Variants in SLC5A9 observed in about 807,000 individuals in gnomAD.
SLC5A9 encodes the protein solute carrier family 5 member 9.
SLC5A9 carries 59 observed loss-of-function variants against 70.9 expected under a neutral mutation model. The ratio of observed to expected loss-of-function variants is 0.83; its 90% confidence interval spans 0.68 to 1.03. SLC5A9 has a LOEUF of 1.03. Among genes scored for constraint, SLC5A9 ranks in the 50% least tolerant of loss-of-function variants. The probability of loss-of-function intolerance (pLI) is 0.00; values close to 1 mark genes in which losing one functional copy is unlikely to be tolerated. For missense variants in SLC5A9, 832 were observed against 881.1 expected (o/e 0.94, Z 0.71); for synonymous variants, 340 against 346.5 (o/e 0.98, Z 0.21).
At chr1:48,224,235 CAA>C (rs1006644724) in intron 1 of SLC5A9, among the ~76,000 whole-genome samples, 122 of 152,132 alleles carry the variant, frequency 8.0e-4, no homozygotes, top group African/African-American at 2.8e-3. Context: ...AGGGAAACTC[CAA>C]AACAGTACCC....
intron 13 of SLC5A9, among the ~76,000 whole-genome samples, chr1:48,244,642 G>A (rs759367990): frequency 2.9e-4 from 42 of 146,572 alleles, no homozygotes; most frequent in Non-Finnish European, 5.1e-4. Flanking sequence ...AGACACTACC[G>A]AAGATCAACA....
intron 9 of SLC5A9, among the ~76,000 whole-genome samples, chr1:48,234,196 G>A (rs1355529408): frequency 5.3e-5 from 8 of 152,216 alleles, no homozygotes; most frequent in African/African-American, 9.7e-5. Context: ...CATGGGAAAT[G>A]TCATTCTAGG....
intron 1 of SLC5A9, among the ~76,000 whole-genome samples, chr1:48,224,046 A>G (rs764295196): frequency 3.9e-5 from 6 of 152,204 alleles, no homozygotes; most frequent in African/African-American, 1.4e-4. Flanking sequence ...AAGTCAGAGA[A>G]CTGTTGGCTT....
intron 1 of SLC5A9, 42 bp from the exon 2 acceptor site, chr1:48,224,680 CAG>C (rs775810764): frequency 1.2e-5 from 19 of 1,595,528 alleles, no homozygotes; most frequent in South Asian, 4.4e-5. Flanking sequence ...GGCAGAGGTT[CAG>C]AGAGTCTTGA....
intron 13 of SLC5A9, among the ~76,000 whole-genome samples, chr1:48,245,861 T>A (rs1644455055): frequency 1.3e-5 from 2 of 151,910 alleles, no homozygotes; most frequent in African/African-American, 2.4e-5. Context: ...CTCAGGAGGC[T>A]GAGATGGGAG....
rs1569805619 is a variant in SLC5A9 at position 48,224,736 on chromosome 1, G to A, written c.175G>A (p.Ala59Thr). The change falls in exon 2 of 14, where the codon GCA becomes ACA. Residue 59 changes from alanine to threonine, a missense_variant. By Grantham distance (58) the Ala-to-Thr change is moderately conservative (BLOSUM62 0). Coordinates refer to ENST00000438567, the MANE Select transcript of SLC5A9 (RefSeq NM_001011547.3). ...ATTTCCTTTCCAGTCGTCCATCCGTGCAAGTCGAGGGACCATTGGCGGCTA... is the reference window on the plus strand; with the variant it reads ...ATTTCCTTTCCAGTCGTCCATCCGTACAAGTCGAGGGACCATTGGCGGCTA... ...IAVGIWSSIRASRGTIGGYFL... is the reference protein window; with the variant it reads ...IAVGIWSSIRTSRGTIGGYFL... 2 of 1,614,116 alleles carry A rather than the reference G, an allele frequency of 1.2e-6. No individual in the cohort carries two copies. Among genetic ancestry groups the A allele is most frequent in the Non-Finnish European group, 1.7e-6 (2 of 1,180,014 alleles).
intron 13 of SLC5A9, among the ~76,000 whole-genome samples, chr1:48,246,283 T>C (rs981075372): frequency 3.9e-5 from 6 of 152,196 alleles, no homozygotes; most frequent in Non-Finnish European, 7.3e-5. Context: ...TCTGTTGCTA[T>C]GTGACCTTAA....
intron 13 of SLC5A9, among the ~76,000 whole-genome samples, chr1:48,244,745 AATTATATTTATAT>A (rs1644432042): frequency 1.5e-5 from 2 of 130,648 alleles, no homozygotes; most frequent in African/African-American, 6.3e-5. Context: ...AATATATATA[AATTATATTTATAT>A]TATATATAAA....
intron 13 of SLC5A9, among the ~76,000 whole-genome samples, chr1:48,244,909 T>TATATATATATAA (rs1291048314): frequency 8.7e-6 from 1 of 114,534 alleles, no homozygotes; most frequent in African/African-American, 3.2e-5. Flanking sequence ...TATATATATA[T>TATATATATATAA]AAAACCTCTG....
intron 3 of SLC5A9, 78 bp downstream of exon 3, chr1:48,229,032 T>A: frequency 6.2e-7 from 1 of 1,613,678 alleles, no homozygotes; most frequent in Non-Finnish European, 8.5e-7. Context: ...GCTGGGAGGA[T>A]CCTTAGAGAT....
chr1:48,232,203 C>T, intron 7 of SLC5A9, 52 bp downstream of exon 7: 1 of 1,576,546 alleles, frequency 6.3e-7, no homozygotes, highest in Non-Finnish European at 8.6e-7. Flanking sequence ...GGGTGGCTTC[C>T]TGCAGAAAAA....
rs150361131 is a variant in SLC5A9, at chr1:48,228,945, C to T, written c.330C>T (p.Phe110=). ...GAAGGLAVGG[F]EWNATWLLLA... ...CCGGAGGCCTTGCCGTAGGTGGCTT[C>T]GAGTGGAACGTAAGGAAGCTGGCCT... Residue 110 remains phenylalanine (F), a synonymous_variant, in exon 3 of 14, where the codon TTC becomes TTT. Transcript: ENST00000438567. 170 of 1,613,080 alleles carry T rather than the reference C, an allele frequency of 1.1e-4. 1 individual carries two copies. Among genetic ancestry groups the T allele is most frequent in the Middle Eastern group, 4.9e-4 (3 of 6,084 alleles).
Position 48,223,104 on chromosome 1 carries a change from C to T in SLC5A9, c.162+206C>T, listed in dbSNP as rs573493487. On this transcript the variant is annotated intron_variant, in intron 1 of 13. Coordinates refer to ENST00000438567, the MANE Select transcript of SLC5A9 (RefSeq NM_001011547.3). ...GGGGTGTGGCTGGTCTGAGGTCACA[C>T]AGAGAGTCAGAGGCAGACCAGGCCC... 2.6e-5 allele frequency among the ~76,000 whole-genome samples: 4 copies of T among 152,196 alleles called. No individual in the cohort carries two copies. In the East Asian group the frequency reaches 7.7e-4, roughly 29 times the overall value.
chr1:48,246,958 C>T (rs940818596), intron 13 of SLC5A9, among the ~76,000 whole-genome samples: 1 of 152,212 alleles, frequency 6.6e-6, no homozygotes, highest in African/African-American at 2.4e-5. Context: ...ACACTTCCTT[C>T]TTCCTGGGTG....
chr1:48,241,991 C>A (rs1259853341), intron 12 of SLC5A9: 1 of 456,392 alleles, frequency 2.2e-6, no homozygotes, highest in African/African-American at 2.0e-5. Flanking sequence ...CCAGGCTGGA[C>A]CCCTTTCAAT....
Position 48,233,706 on chromosome 1 carries a change from G to T in SLC5A9, c.1085G>T (p.Arg362Leu). Reference protein sequence around the residue: ...PDVCQRICGARVGCSNIAYPK... With the variant: ...PDVCQRICGALVGCSNIAYPK... ...GTCTGCCAAAGAATCTGTGGGGCCC[G>T]AGTGGGATGTTCCAACATTGCCTAC... Residue 362 changes from arginine (R) to leucine (L), a missense_variant, in exon 9 of 14, where the codon CGA becomes CTA. Coordinates refer to ENST00000438567, the MANE Select transcript of SLC5A9 (RefSeq NM_001011547.3). The T allele has an allele frequency of 9.9e-6, 16 of 1,614,116 alleles. No individual in the cohort carries two copies. Among genetic ancestry groups the T allele is most frequent in the Non-Finnish European group, 1.4e-5 (16 of 1,180,026 alleles).
chr1:48,232,592 G>T (rs1289385227), intron 8 of SLC5A9, 90 bp downstream of exon 8: 5 of 1,539,860 alleles, frequency 3.2e-6, no homozygotes, highest in East Asian at 2.3e-5. Context: ...ACAATGTTAG[G>T]CCAGAGCAGG....
intron 8 of SLC5A9, 112 bp downstream of exon 8, chr1:48,232,614 T>C: frequency 7.0e-7 from 1 of 1,422,002 alleles, no homozygotes; most frequent in Non-Finnish European, 9.6e-7. Context: ...GTTGGCAAGG[T>C]TTGTCTATTA....
intron 12 of SLC5A9, 58 bp from the exon 13 acceptor site, chr1:48,242,396 GTTC>G (rs1644400989): frequency 4.6e-6 from 7 of 1,526,466 alleles, no homozygotes; most frequent in Middle Eastern, 1.8e-4. Flanking sequence ...ATGGGCCTCT[GTTC>G]TTCTACAGCA....
Sources: gnomAD v4.1 joint callset for allele counts (sites outside exome capture counted in the v4.1 genomes callset) on GRCh38, gnomAD v4.1.1 for gene constraint, MANE v1.5 for transcripts, NCBI Gene and HGNC (gene_info 2026-07-23, HGNC 2026-07-21) for gene names.